ZDHHC15: variants seen among roughly 807,000 people sequenced by gnomAD.
The protein encoded by ZDHHC15 is palmitoyltransferase ZDHHC15.
A neutral mutation model predicts 31.7 loss-of-function variants in ZDHHC15; 19 were observed. That is an observed-to-expected ratio of 0.60 (90% confidence interval 0.42 to 0.88). The LOEUF (loss-of-function observed/expected upper bound fraction) is 0.88. Ranked by LOEUF, ZDHHC15 falls within the 40% of genes least tolerant of loss-of-function variation. The pLI is 0.00. For missense variants in ZDHHC15, 209 were observed against 251.2 expected, an observed-to-expected ratio of 0.83 and a Z score of 1.14; for synonymous variants, 103 against 90.0, an observed-to-expected ratio of 1.14 and a Z score of -0.82.
rs192283894 is a variant in ZDHHC15 at position 75,412,037 on chromosome X, C to T, written c.967+5050G>A. ...TGTGTGAAAGGATGCTCAACATCAC[C>T]AATCTTTATGGAAATGCAAATCAAA... On this transcript the variant is annotated intron_variant, in intron 10 of 11. Transcript: ENST00000373367. 6.0e-4 allele frequency among the ~76,000 whole-genome samples: 67 copies of T among 111,774 alleles called. 1 individual carries two copies. Among genetic ancestry groups the T allele is most frequent in the Middle Eastern group, 9.2e-3 (2 of 217 alleles).
chrX:75,472,714 G>T lies in ZDHHC15; in HGVS notation c.258+6177C>A, dbSNP rs180676115. Among the ~76,000 whole-genome samples, 464 of 111,855 alleles carry T rather than the reference G, an allele frequency of 4.1e-3. 3 individuals carry two copies. The highest frequency in any genetic ancestry group is 0.014 in the African/African-American group (436 of 30,759). ...TCTTTCCCCAGCCACCCCTGTCATC[G>T]CCCAATGGGCCCATGAACAAAGTGG... On this transcript the variant is annotated intron_variant, in intron 3 of 11. Coordinates refer to ENST00000373367, the MANE Select transcript of ZDHHC15 (RefSeq NM_144969.3).
chrX:75,419,731 A>G (rs1363038191), intron 9 of ZDHHC15, among the ~76,000 whole-genome samples: 1 of 109,820 alleles, frequency 9.1e-6, no homozygotes, highest in Non-Finnish European at 1.9e-5. Flanking sequence ...TGGATTAAGA[A>G]AATGTGACAC....
At chrX:75,414,468 C>T (rs1300318135) in intron 10 of ZDHHC15, among the ~76,000 whole-genome samples, 1 of 81,729 alleles carries the variant, frequency 1.2e-5, no homozygotes, top group African/African-American at 4.7e-5. Context: ...CTCGCTCTGT[C>T]GCACAGGCTG....
At chrX:75,470,262 C>A (rs1016659861) in intron 3 of ZDHHC15, among the ~76,000 whole-genome samples, 16 of 111,719 alleles carry the variant, frequency 1.4e-4, no homozygotes, top group Non-Finnish European at 2.4e-4. Flanking sequence ...AAGCTGGAGC[C>A]TTCCTGCCCT....
At chrX:75,493,887 C>G (rs1330930406) in intron 2 of ZDHHC15, among the ~76,000 whole-genome samples, 1 of 111,525 alleles carries the variant, frequency 9.0e-6, no homozygotes, top group African/African-American at 3.3e-5. Flanking sequence ...CAGGGATGCC[C>G]TCTCTCACCA....
At chrX:75,379,808 C>T (rs2083096262) in intron 10 of ZDHHC15, among the ~76,000 whole-genome samples, 1 of 111,983 alleles carries the variant, frequency 8.9e-6, no homozygotes, top group Non-Finnish European at 1.9e-5. Context: ...CAGTAGCCAT[C>T]CCCTACAGTT....
chrX:75,474,583 C>CTCTTTATATATATATATAATCCCCTTT (rs1569349309), intron 3 of ZDHHC15, among the ~76,000 whole-genome samples: 13 of 8,580 alleles, frequency 1.5e-3, no homozygotes, highest in Non-Finnish European at 2.7e-3. Context: ...TACACACACA[C>CTCTTTATATATATATATAATCCCCTTT]ACACACACAC....
chrX:75,443,748 A>C (rs753790623), intron 4 of ZDHHC15, among the ~76,000 whole-genome samples: 210 of 112,360 alleles, frequency 1.9e-3, no homozygotes, highest in African/African-American at 6.2e-3. Context: ...CAGAATCTAC[A>C]AAGAACTCAA....
intron 10 of ZDHHC15, among the ~76,000 whole-genome samples, chrX:75,410,903 C>T (rs1276185236): frequency 3.6e-5 from 4 of 112,201 alleles, no homozygotes; most frequent in Non-Finnish European, 7.5e-5. Context: ...GAATATTATT[C>T]ATCTATAAAA....
At chrX:75,494,837 A>G (rs1397002806) in intron 2 of ZDHHC15, among the ~76,000 whole-genome samples, 1 of 112,241 alleles carries the variant, frequency 8.9e-6, no homozygotes, top group Non-Finnish European at 1.9e-5. Context: ...ATCCTAGAAG[A>G]AAACCTAGGC....
intron 9 of ZDHHC15, 114 bp downstream of exon 9, chrX:75,421,750 G>A (rs1047489746): frequency 1.3e-6 from 1 of 785,958 alleles, no homozygotes; most frequent in African/African-American, 2.2e-5. Flanking sequence ...GAAGAACTTG[G>A]GGAATAGAGT....
intron 4 of ZDHHC15, among the ~76,000 whole-genome samples, chrX:75,438,550 T>C (rs1158332010): frequency 9.0e-6 from 1 of 111,652 alleles, no homozygotes; most frequent in Non-Finnish European, 1.9e-5. Flanking sequence ...TTTATGTCAG[T>C]CCTTTTATGT....
In ZDHHC15 at chrX:75,380,464, G is replaced by A. The variant is rs1313977079; in HGVS notation, c.968-1266C>T. Among the ~76,000 whole-genome samples the A allele has an allele frequency of 1.2e-4, 13 of 110,982 alleles. No homozygotes were observed. The East Asian group carries it at 3.1e-3, about 27-fold the overall frequency. Reference sequence around the variant, plus strand: ...GCTTTTAGGATGCTTTTACCTTTTCGTACTGCAACATACACTCTTATTTGG... The same window carrying A: ...GCTTTTAGGATGCTTTTACCTTTTCATACTGCAACATACACTCTTATTTGG... On this transcript the variant is annotated intron_variant, in intron 10 of 11. Transcript: ENST00000373367.
intron 3 of ZDHHC15, among the ~76,000 whole-genome samples, chrX:75,476,555 C>T (rs1367818847): frequency 9.0e-6 from 1 of 110,781 alleles, no homozygotes; most frequent in Non-Finnish European, 1.9e-5. Context: ...GTTACATCTC[C>T]ACTTTCACTT....
intron 2 of ZDHHC15, among the ~76,000 whole-genome samples, chrX:75,503,987 T>C (rs1012374450): frequency 9.0e-6 from 1 of 111,205 alleles, no homozygotes; most frequent in African/African-American, 3.3e-5. Context: ...CTGTCCTCTC[T>C]CTGTATGTGT....
chrX:75,374,290 CG>C (rs1348437355), intron 11 of ZDHHC15, among the ~76,000 whole-genome samples: 13 of 109,636 alleles, frequency 1.2e-4, no homozygotes, highest in Non-Finnish European at 5.7e-5. Flanking sequence ...AGATATACCA[CG>C]GGTTGATGGG....
At chrX:75,383,905 AT>A (rs201037371) in intron 10 of ZDHHC15, among the ~76,000 whole-genome samples, 17 of 102,299 alleles carry the variant, frequency 1.7e-4, no homozygotes, top group Admixed American at 2.1e-4. Flanking sequence ...CACCCAGCTA[AT>A]TTTTTTTTTG....
intron 2 of ZDHHC15, among the ~76,000 whole-genome samples, chrX:75,495,351 C>T (rs186912780): frequency 2.7e-5 from 3 of 111,424 alleles, no homozygotes; most frequent in Non-Finnish European, 3.8e-5. Context: ...AACTAGTTCA[C>T]CCATTGTGGA....
chrX:75,507,961 G>A (rs955096598), intron 1 of ZDHHC15, among the ~76,000 whole-genome samples: 2 of 111,012 alleles, frequency 1.8e-5, no homozygotes, highest in Non-Finnish European at 3.8e-5. Flanking sequence ...GGGCTAGATG[G>A]AAAAGGTAAA....
Sources: gnomAD v4.1 joint callset for allele counts (sites outside exome capture counted in the v4.1 genomes callset) on GRCh38, gnomAD v4.1.1 for gene constraint, MANE v1.5 for transcripts, NCBI Gene and HGNC (gene_info 2026-07-23, HGNC 2026-07-21) for gene names.